TANGO6: variants seen among roughly 807,000 people sequenced by gnomAD.
TANGO6 encodes transport and golgi organization 6 homolog, also known as transport and Golgi organization protein 6 homolog.
In TANGO6, 90 loss-of-function variants were observed where a neutral mutation model predicts 114.2. That is an observed-to-expected ratio of 0.79 (90% CI 0.66 to 0.94). The LOEUF is 0.94. Among genes scored for constraint, TANGO6 ranks in the 40% least tolerant of loss-of-function variants. The pLI is 0.00. For synonymous variants in TANGO6, 477 were observed against 509.8 expected (o/e 0.94, Z 0.87); for missense variants, 1,274 against 1,315.3 (o/e 0.97, Z 0.49).
intron 12 of TANGO6, among the ~76,000 whole-genome samples, chr16:68,925,724 T>C (rs1383369128): frequency 6.6e-6 from 1 of 152,116 alleles, no homozygotes; most frequent in African/African-American, 2.4e-5. Context: ...TGTTAACTTG[T>C]AGGAGTTTTA....
chr16:68,957,397 A>AT (rs57031701), intron 14 of TANGO6, among the ~76,000 whole-genome samples: 31,693 of 134,076 alleles, frequency 0.24, 4,570 homozygotes, highest in East Asian at 0.54. Flanking sequence ...GCATAACACT[A>AT]TTTTTTTTTT....
chr16:69,039,513 G>A (rs1377290339), intron 16 of TANGO6, among the ~76,000 whole-genome samples: 1 of 151,984 alleles, frequency 6.6e-6, no homozygotes, highest in South Asian at 2.1e-4. Flanking sequence ...GCGCACACCT[G>A]TAGTCCTAGC....
chr16:68,952,405 A>T (rs1177651798), intron 14 of TANGO6, among the ~76,000 whole-genome samples: 1 of 152,116 alleles, frequency 6.6e-6, no homozygotes, highest in Non-Finnish European at 1.5e-5. Context: ...TCCCTCCCCA[A>T]CTAAAGAGCA....
intron 17 of TANGO6, among the ~76,000 whole-genome samples, chr16:69,068,002 A>T (rs1438235330): frequency 7.6e-6 from 1 of 131,638 alleles, no homozygotes; most frequent in Admixed American, 7.5e-5. Context: ...TTAGCCAGGC[A>T]TGGTGGCACA....
chr16:69,073,946 G>A (rs1274267340), intron 17 of TANGO6, among the ~76,000 whole-genome samples: 1 of 149,470 alleles, frequency 6.7e-6, no homozygotes, highest in African/African-American at 2.5e-5. Context: ...GGGGCACAGA[G>A]CAAGACTCCA....
chr16:68,902,628 T>G, intron 9 of TANGO6, 124 bp downstream of exon 9: 2 of 836,642 alleles, frequency 2.4e-6, no homozygotes, highest in Non-Finnish European at 3.5e-6. Context: ...CTCAGGTGCC[T>G]GCTATTTATA....
chr16:68,903,450 C>T (rs2152182784), intron 9 of TANGO6, among the ~76,000 whole-genome samples: 1 of 150,652 alleles, frequency 6.6e-6, no homozygotes, highest in South Asian at 2.1e-4. Flanking sequence ...GAAACCCCAT[C>T]TCTATTAAAA....
intron 17 of TANGO6, among the ~76,000 whole-genome samples, chr16:69,070,518 A>G (rs1406225064): frequency 6.6e-6 from 1 of 151,244 alleles, no homozygotes; most frequent in Non-Finnish European, 1.5e-5. Context: ...CTGTAATCCC[A>G]GCTACTTGAG....
At chr16:68,845,480 A>G (rs1010284874) in intron 1 of TANGO6, among the ~76,000 whole-genome samples, 1 of 152,220 alleles carries the variant, frequency 6.6e-6, no homozygotes, top group African/African-American at 2.4e-5. Context: ...AAATTATATT[A>G]TTTTGTACAT....
intron 7 of TANGO6, among the ~76,000 whole-genome samples, chr16:68,895,698 G>A (rs987394627): frequency 1.3e-5 from 2 of 152,186 alleles, no homozygotes; most frequent in Non-Finnish European, 2.9e-5. Context: ...GCAGGCTTAT[G>A]GAGGAGGCAG....
chr16:69,004,073 A>G (rs1474731721), intron 15 of TANGO6, among the ~76,000 whole-genome samples: 1 of 152,148 alleles, frequency 6.6e-6, no homozygotes, highest in South Asian at 2.1e-4. Context: ...AGAATTATAT[A>G]TGAATTTTTA....
At chr16:68,913,039 C>T (rs1962946933) in intron 11 of TANGO6, among the ~76,000 whole-genome samples, 1 of 149,362 alleles carries the variant, frequency 6.7e-6, no homozygotes, top group Admixed American at 6.7e-5. Flanking sequence ...GAGATTGCGC[C>T]ACTGCACTCC....
chr16:69,066,571 A>G (rs1421179733), intron 17 of TANGO6, among the ~76,000 whole-genome samples: 1 of 152,172 alleles, frequency 6.6e-6, no homozygotes, highest in Admixed American at 6.6e-5. Flanking sequence ...TGCTGGGATT[A>G]CAGGCATAAG....
chr16:69,003,050 A>G (rs912899630), intron 15 of TANGO6, among the ~76,000 whole-genome samples: 1 of 151,444 alleles, frequency 6.6e-6, no homozygotes, highest in Non-Finnish European at 1.5e-5. Context: ...TCAAAAAAAA[A>G]AAGAAAGTTT....
At chr16:68,898,282 G>A (rs1455629859) in intron 7 of TANGO6, among the ~76,000 whole-genome samples, 1 of 152,164 alleles carries the variant, frequency 6.6e-6, no homozygotes, top group African/African-American at 2.4e-5. Flanking sequence ...TGGCTCCTTG[G>A]CTAACAGGCT....
Position 69,083,637 on chromosome 16 carries a change from G to A in TANGO6, c.3261G>A (p.Glu1087=). The A allele has an allele frequency of 1.3e-6, 2 of 1,566,638 alleles. No individual in the cohort carries two copies. Among genetic ancestry groups the A allele is most frequent in the Non-Finnish European group, 1.7e-6 (2 of 1,155,574 alleles). ...KNFLFPPQKL[E]KKIMVLP ...TCCTGTTCCCTCCACAGAAGCTGGA[G>A]AAGAAGATCATGGTCCTGCCGTAGA... The change falls in exon 18 of 18, where the codon GAG becomes GAA. Residue 1087 remains glutamate (E), a synonymous_variant. Coordinates refer to ENST00000261778, the MANE Select transcript of TANGO6 (RefSeq NM_024562.2).
At position 68,920,620 on chromosome 16, in the gene TANGO6, C is replaced by T. The variant is rs117847930; in HGVS notation, c.2127+1401C>T. Among the ~76,000 whole-genome samples, 30 of 152,162 alleles carry T rather than the reference C, an allele frequency of 2.0e-4. 1 individual carries two copies. In the East Asian group the frequency reaches 5.6e-3, roughly 28 times the overall value. ...TAACCCTTAGCAATGAGTAGGATAC[C>T]CTCTGGGAATGGATTTTTGAGCTTG... On this transcript the variant is annotated intron_variant, in intron 12 of 17. Transcript: ENST00000261778.
At chr16:68,867,448 A>G (rs942351151) in intron 4 of TANGO6, 13 of 478,128 alleles carry the variant, frequency 2.7e-5, no homozygotes, top group African/African-American at 2.2e-4. Context: ...TGCCTATTTT[A>G]TTGAACAATA....
In TANGO6 at chr16:68,859,895, A is replaced by C. The variant is rs1290204778; in HGVS notation, c.106A>C (p.Ser36Arg). The C allele has an allele frequency of 6.4e-7, 1 of 1,564,418 alleles. No individual in the cohort carries two copies. Among genetic ancestry groups the C allele is most frequent in the Non-Finnish European group, 8.6e-7 (1 of 1,159,004 alleles). Residue 36 changes from serine to arginine, a missense_variant, in exon 2 of 18, where the codon AGT becomes CGT. Coordinates refer to ENST00000261778, the MANE Select transcript of TANGO6 (RefSeq NM_024562.2). The part of the protein sequence containing the change: ...LLLSPGGSGS[S>R]SLQVTKHDVL... ...TTCTTCTTCAAAAGGCTCGGGCTCA[A>C]GTTCACTACAGGTCACAAAACATGA...
Sources: allele counts gnomAD v4.1 joint callset (sites outside exome capture counted in the v4.1 genomes callset), GRCh38; gene constraint gnomAD v4.1.1; transcripts MANE v1.5; gene names NCBI Gene and HGNC (gene_info 2026-07-23, HGNC 2026-07-21).